The following PCDH15 variants were observed in gnomAD, a reference collection of about 807,000 sequenced individuals.
The protein encoded by PCDH15 is protocadherin related 15, also known as protocadherin-15.
PCDH15 carries 129 observed loss-of-function variants against 178.5 expected under a neutral mutation model. The observed-to-expected ratio is 0.72, with a 90% CI of 0.63 to 0.84. The LOEUF (loss-of-function observed/expected upper bound fraction) is 0.84. PCDH15 is among the 40% of genes least tolerant of loss of function. The probability of loss-of-function intolerance (pLI) is 0.00; values close to 1 mark genes in which losing one functional copy is unlikely to be tolerated. For synonymous variants in PCDH15, 800 were observed against 732.0 expected, an observed-to-expected ratio of 1.09 and a Z score of -1.50; for missense variants, 2,230 against 2,099.9, an observed-to-expected ratio of 1.06 and a Z score of -1.21.
Position 53,840,237 on chromosome 10 carries a change from T to C in PCDH15, c.3983+83A>G, listed in dbSNP as rs1443751062. The C allele has an allele frequency of 5.4e-6, 8 of 1,475,770 alleles. No homozygotes were observed. The African/African-American group carries it at 9.7e-5, about 18-fold the overall frequency. The allele number at this position is 1,475,770 out of a possible 1,614,324, so 91.4% of individuals were successfully genotyped here. ...TAACTATTTGGTGGGTTTTAAACTT[T>C]AAGTACTTATAGCCTCAAGTCAGAA... On this transcript the variant is annotated intron_variant, in intron 29 of 37. Transcript: ENST00000644397.
At chr10:54,820,496 T>C (rs371131918) in intron 3 of PCDH15, among the ~76,000 whole-genome samples, 1 of 152,054 alleles carries the variant, frequency 6.6e-6, no homozygotes, top group Admixed American at 6.6e-5. Context: ...CCCTGCCTGG[T>C]TTAATCATAT....
chr10:55,231,063 G>GAT (rs1283474623), intron 1 of PCDH15, among the ~76,000 whole-genome samples: 1 of 151,964 alleles, frequency 6.6e-6, no homozygotes, highest in African/African-American at 2.4e-5. Flanking sequence ...CAATATTTGT[G>GAT]ATATATAGAC....
At chr10:55,506,056 A>T (rs1012344967) in intron 2 of PCDH15, among the ~76,000 whole-genome samples, 1 of 151,478 alleles carries the variant, frequency 6.6e-6, no homozygotes, top group Admixed American at 6.6e-5. Flanking sequence ...AGCATGAAAG[A>T]CTTTAAACAC....
intron 5 of PCDH15, among the ~76,000 whole-genome samples, chr10:54,367,608 AG>A (rs1433320722): frequency 6.6e-6 from 1 of 151,974 alleles, no homozygotes; most frequent in Non-Finnish European, 1.5e-5. Flanking sequence ...TTGAACAATG[AG>A]AACACCTGGA....
At chr10:54,386,104 GTGTGTGT>G (rs1236820227) in intron 3 of PCDH15, among the ~76,000 whole-genome samples, 17 of 22,094 alleles carry the variant, frequency 7.7e-4, no homozygotes, top group African/African-American at 2.1e-3. Flanking sequence ...TATTAGTTGT[GTGTGTGT>G]GTGTGTGTGT....
intron 4 of PCDH15, among the ~76,000 whole-genome samples, chr10:54,377,021 T>A (rs1361634390): frequency 1.3e-5 from 2 of 151,964 alleles, no homozygotes; most frequent in African/African-American, 4.8e-5. Flanking sequence ...CTAATAAAAA[T>A]AATTATATAA....
At chr10:53,946,440 A>G (rs988178941) in intron 23 of PCDH15, among the ~76,000 whole-genome samples, 1 of 152,140 alleles carries the variant, frequency 6.6e-6, no homozygotes, top group African/African-American at 2.4e-5. Flanking sequence ...TACTGCCTCT[A>G]TATGTTTAAC....
At chr10:55,497,781 A>G (rs1264751447) in intron 2 of PCDH15, among the ~76,000 whole-genome samples, 1 of 151,852 alleles carries the variant, frequency 6.6e-6, no homozygotes, top group African/African-American at 2.4e-5. Context: ...CTTTCACACT[A>G]CTTGAATTCA....
intron 1 of PCDH15, among the ~76,000 whole-genome samples, chr10:54,721,391 T>C (rs1331762495): frequency 2.0e-5 from 3 of 151,658 alleles, no homozygotes; most frequent in African/African-American, 7.3e-5. Context: ...ATAGTAAAAC[T>C]AAATGAGATC....
chr10:55,599,912 G>C, intron 2 of PCDH15: 1 of 1,524,000 alleles, frequency 6.6e-7, no homozygotes, highest in Admixed American at 2.1e-5. Flanking sequence ...GGCCACACCA[G>C]GGTTTAGCTG....
intron 18 of PCDH15, among the ~76,000 whole-genome samples, chr10:54,042,457 G>C (rs770769955): frequency 6.6e-6 from 1 of 152,080 alleles, no homozygotes; most frequent in Non-Finnish European, 1.5e-5. Flanking sequence ...TATTGAAATG[G>C]GGTACTCAGT....
At chr10:55,049,689 T>C (rs902265485) in intron 2 of PCDH15, among the ~76,000 whole-genome samples, 8 of 151,982 alleles carry the variant, frequency 5.3e-5, no homozygotes, top group African/African-American at 1.9e-4. Flanking sequence ...ACTGTACAGG[T>C]TAGTTAACTT....
chr10:55,049,159 T>A (rs937875558), intron 2 of PCDH15, among the ~76,000 whole-genome samples: 7 of 151,980 alleles, frequency 4.6e-5, no homozygotes, highest in African/African-American at 7.2e-5. Flanking sequence ...AAATTTTTGA[T>A]GTTGTTTATA....
Position 54,921,332 on chromosome 10 carries a change from T to C in PCDH15, c.-79-23832A>G, listed in dbSNP as rs1240763643. Among the ~76,000 whole-genome samples, 4 of 152,132 alleles carry C rather than the reference T, an allele frequency of 2.6e-5. No individual in the cohort carries two copies. In the East Asian group the frequency reaches 7.7e-4, roughly 29 times the overall value. ...ATTTTTATTTTTATTTATTTTTTTT[T>C]ACTTTTTAACTTTTAAGTTCAGGGG... On this transcript the variant is annotated intron_variant, in intron 2 of 5. Coordinates refer to the PCDH15 transcript ENST00000458638.
intron 12 of PCDH15, 56 bp downstream of exon 12, chr10:54,185,078 A>AACAT (rs1029102431): frequency 1.9e-6 from 3 of 1,588,012 alleles, no homozygotes; most frequent in African/African-American, 1.3e-5. Context: ...GTTCCATACA[A>AACAT]ACATACATAC....
intron 1 of PCDH15, among the ~76,000 whole-genome samples, chr10:55,315,885 G>A (rs1351847573): frequency 6.6e-6 from 1 of 151,966 alleles, no homozygotes; most frequent in Admixed American, 6.6e-5. Context: ...GCGTGGTGGT[G>A]CATGCCTATA....
chr10:55,204,193 C>A (rs1384701949), intron 1 of PCDH15, among the ~76,000 whole-genome samples: 1 of 147,966 alleles, frequency 6.8e-6, no homozygotes, highest in Admixed American at 6.8e-5. Context: ...ATTTATTTTA[C>A]ATATTTAATA....
rs1554853331 is a variant in PCDH15, at chr10:54,239,432, T to TATATATAGAGAGAGAGAGAGAGAGAG, written c.877-2502_877-2501insCTCTCTCTCTCTCTCTCTCTATATAT. On this transcript the variant is annotated intron_variant, in intron 8 of 37. Transcript: ENST00000644397. Reference sequence around the variant, plus strand: ...GTGATTAAATATATATATATATATATAGAGTAAGAACTGAAGAACTAAAAA... The same window carrying TATATATAGAGAGAGAGAGAGAGAGAG: ...GTGATTAAATATATATATATATATATATATATAGAGAGAGAGAGAGAGAGAGAGAGTAAGAACTGAAGAACTAAAAA... 2.7e-3 allele frequency among the ~76,000 whole-genome samples: 412 copies of TATATATAGAGAGAGAGAGAGAGAGAG among 150,624 alleles called. 1 individual carries two copies. The highest frequency in any genetic ancestry group is 3.8e-3 in the Non-Finnish European group (258 of 67,686).
chr10:55,017,064 A>G (rs1840199429), intron 2 of PCDH15, among the ~76,000 whole-genome samples: 1 of 152,164 alleles, frequency 6.6e-6, no homozygotes, highest in Admixed American at 6.6e-5. Flanking sequence ...CATCTATCAC[A>G]AAGAGAAAAA....
Sources: allele counts gnomAD v4.1 joint callset (sites outside exome capture counted in the v4.1 genomes callset), GRCh38; gene constraint gnomAD v4.1.1; transcripts MANE v1.5; gene names NCBI Gene and HGNC (gene_info 2026-07-23, HGNC 2026-07-21).